Variants in CDH18 observed in about 807,000 individuals in gnomAD.
The protein encoded by CDH18 is cadherin 18.
CDH18 carries 31 observed loss-of-function variants against 67.9 expected under a neutral mutation model. That is an observed-to-expected ratio of 0.46 (90% confidence interval 0.34 to 0.62). The LOEUF (loss-of-function observed/expected upper bound fraction) is 0.62, where lower values mean the gene tolerates loss of function less well. Among genes scored for constraint, CDH18 ranks in the 20% least tolerant of loss-of-function variants. The pLI is 0.01. For missense variants in CDH18, 890 were observed against 975.5 expected, an observed-to-expected ratio of 0.91 and a Z score of 1.17; for synonymous variants, 362 against 347.2, an observed-to-expected ratio of 1.04 and a Z score of -0.48.
At chr5:19,966,220 A>G (rs762276861) in intron 2 of CDH18, among the ~76,000 whole-genome samples, 21 of 152,172 alleles carry the variant, frequency 1.4e-4, no homozygotes, top group Admixed American at 7.2e-4. Context: ...TTATTTCTGG[A>G]CAGCTGTTGT....
intron 9 of CDH18, among the ~76,000 whole-genome samples, chr5:19,535,462 T>C (rs1293814568): frequency 6.6e-6 from 1 of 152,134 alleles, no homozygotes; most frequent in South Asian, 2.1e-4. Context: ...GACTTAAAAA[T>C]ACTCACTCCG....
At chr5:19,699,986 C>G (rs945312450) in intron 5 of CDH18, among the ~76,000 whole-genome samples, 1 of 152,082 alleles carries the variant, frequency 6.6e-6, no homozygotes, top group Non-Finnish European at 1.5e-5. Flanking sequence ...TAAATGTATA[C>G]AAACTTAAGA....
intron 10 of CDH18, among the ~76,000 whole-genome samples, chr5:19,507,648 C>T (rs189339790): frequency 3.9e-5 from 6 of 152,170 alleles, no homozygotes; most frequent in East Asian, 3.9e-4. Flanking sequence ...AGCAAACTAT[C>T]GCAAGGACAA....
chr5:20,126,209 C>A (rs1045576132), intron 2 of CDH18, among the ~76,000 whole-genome samples: 1 of 152,050 alleles, frequency 6.6e-6, no homozygotes, highest in East Asian at 1.9e-4. Context: ...ATACACGCTA[C>A]GAAAGGATAG....
intron 2 of CDH18, among the ~76,000 whole-genome samples, chr5:20,241,622 C>T (rs1190073183): frequency 1.3e-5 from 2 of 151,768 alleles, no homozygotes; most frequent in African/African-American, 2.4e-5. Context: ...GAGGCCAAGG[C>T]GGGTGGATCA....
chr5:20,395,086 C>G (rs2150121411), intron 1 of CDH18, among the ~76,000 whole-genome samples: 2 of 152,220 alleles, frequency 1.3e-5, no homozygotes, highest in Non-Finnish European at 2.9e-5. Context: ...AATTCTATGA[C>G]TGGGTATCTA....
chr5:20,210,088 A>G (rs989526612), intron 2 of CDH18, among the ~76,000 whole-genome samples: 3 of 151,680 alleles, frequency 2.0e-5, no homozygotes, highest in African/African-American at 7.2e-5. Context: ...TAACTTAGAC[A>G]TAGTTACTCC....
At chr5:20,366,607 C>T (rs775191429) in intron 1 of CDH18, among the ~76,000 whole-genome samples, 16 of 152,270 alleles carry the variant, frequency 1.1e-4, no homozygotes, top group Non-Finnish European at 1.8e-4. Flanking sequence ...CATTGGCAAG[C>T]GGCTTTACCT....
intron 3 of CDH18, among the ~76,000 whole-genome samples, chr5:19,792,025 G>C (rs137918650): frequency 4.6e-5 from 7 of 152,238 alleles, no homozygotes; most frequent in African/African-American, 1.7e-4. Flanking sequence ...GCAGTAACCT[G>C]TTAGGTTTCT....
At chr5:19,761,528 G>A (rs1236549762) in intron 3 of CDH18, among the ~76,000 whole-genome samples, 1 of 151,868 alleles carries the variant, frequency 6.6e-6, no homozygotes, top group Non-Finnish European at 1.5e-5. Flanking sequence ...GCATTTCTGG[G>A]TCTAATCATA....
At chr5:19,862,674 C>G (rs1275497928) in intron 2 of CDH18, among the ~76,000 whole-genome samples, 1 of 152,186 alleles carries the variant, frequency 6.6e-6, no homozygotes, top group Non-Finnish European at 1.5e-5. Flanking sequence ...GAGTGTGAGT[C>G]CTGTCACTTA....
intron 1 of CDH18, among the ~76,000 whole-genome samples, chr5:20,271,552 A>G (rs1745434212): frequency 6.6e-6 from 1 of 152,094 alleles, no homozygotes; most frequent in East Asian, 1.9e-4. Flanking sequence ...AATAGGTACA[A>G]TGATTACGTG....
intron 1 of CDH18, among the ~76,000 whole-genome samples, chr5:20,385,623 A>G (rs867387728): frequency 6.6e-6 from 1 of 152,154 alleles, no homozygotes; most frequent in African/African-American, 2.4e-5. Context: ...CTTACACACA[A>G]TCACCTCATC....
intron 1 of CDH18, among the ~76,000 whole-genome samples, chr5:20,569,060 C>T (rs1397422449): frequency 1.3e-5 from 2 of 152,158 alleles, no homozygotes; most frequent in Non-Finnish European, 2.9e-5. Flanking sequence ...CACATTAACC[C>T]ACCTATTATA....
intron 6 of CDH18, among the ~76,000 whole-genome samples, chr5:19,611,151 A>G (rs1748889157): frequency 6.6e-6 from 1 of 152,128 alleles, no homozygotes; most frequent in Non-Finnish European, 1.5e-5. Context: ...AGAGGATCTC[A>G]TAAGTGGAAG....
intron 1 of CDH18, among the ~76,000 whole-genome samples, chr5:20,548,717 A>G (rs557369687): frequency 6.6e-6 from 1 of 152,296 alleles, no homozygotes; most frequent in East Asian, 1.9e-4. Flanking sequence ...TCTGCCTTCT[A>G]CATAACTACT....
At chr5:19,724,100 C>A (rs767042861) in intron 4 of CDH18, among the ~76,000 whole-genome samples, 2 of 152,138 alleles carry the variant, frequency 1.3e-5, no homozygotes, top group African/African-American at 4.8e-5. Flanking sequence ...TAGCCCCACA[C>A]TGGAAACCAT....
chr5:19,885,426 A>T (rs1335805498), intron 2 of CDH18, among the ~76,000 whole-genome samples: 1 of 152,252 alleles, frequency 6.6e-6, no homozygotes, highest in Non-Finnish European at 1.5e-5. Flanking sequence ...ATGTGATTTC[A>T]TACATCTAAG....
intron 10 of CDH18, among the ~76,000 whole-genome samples, chr5:19,510,897 C>T (rs565912960): frequency 1.3e-4 from 20 of 151,708 alleles, no homozygotes; most frequent in Admixed American, 5.9e-4. Context: ...CTACAACTTA[C>T]GCCTCCTGGG....
Sources: gnomAD v4.1 joint callset for allele counts (sites outside exome capture counted in the v4.1 genomes callset) on GRCh38, gnomAD v4.1.1 for gene constraint, MANE v1.5 for transcripts, NCBI Gene and HGNC (gene_info 2026-07-23, HGNC 2026-07-21) for gene names.